Variants in KIAA1217 observed in about 807,000 individuals in gnomAD.
The protein encoded by KIAA1217 is KIAA1217.
Under a neutral mutation model 163.9 loss-of-function variants are expected in KIAA1217, and 88 were observed. The ratio of observed to expected loss-of-function variants is 0.54; its 90% CI spans 0.45 to 0.64. The LOEUF (loss-of-function observed/expected upper bound fraction) is 0.64, where lower values mean the gene tolerates loss of function less well. Among genes scored for constraint, KIAA1217 ranks in the 30% least tolerant of loss-of-function variants. KIAA1217 has a pLI of 0.00. For synonymous variants in KIAA1217, 903 were observed against 923.1 expected, an observed-to-expected ratio of 0.98 and a Z score of 0.39; for missense variants, 2,372 against 2,475.0, an observed-to-expected ratio of 0.96 and a Z score of 0.88.
At chr10:24,392,434 CTT>C (rs2055109841) in intron 3 of KIAA1217, among the ~76,000 whole-genome samples, 1 of 152,178 alleles carries the variant, frequency 6.6e-6, no homozygotes, top group Non-Finnish European at 1.5e-5. Flanking sequence ...AAGGCCATAA[CTT>C]AGAATCTATA....
intron 1 of KIAA1217, among the ~76,000 whole-genome samples, chr10:23,707,543 A>T (rs150589903): frequency 7.1e-4 from 108 of 152,322 alleles, no homozygotes; most frequent in African/African-American, 2.5e-3. Context: ...CAATGGCCAC[A>T]TACAGGGTGG....
At chr10:24,411,110 T>G (rs1407003856) in intron 3 of KIAA1217, among the ~76,000 whole-genome samples, 1 of 152,204 alleles carries the variant, frequency 6.6e-6, no homozygotes, top group Non-Finnish European at 1.5e-5. Context: ...AGGGCTGAAA[T>G]TCCAACTATA....
chr10:24,081,690 A>G (rs1164761807), intron 2 of KIAA1217, among the ~76,000 whole-genome samples: 1 of 152,202 alleles, frequency 6.6e-6, no homozygotes, highest in South Asian at 2.1e-4. Context: ...TATAAAATAC[A>G]TTAACACTAG....
chr10:24,365,502 T>C (rs771575357), intron 2 of KIAA1217, among the ~76,000 whole-genome samples: 4 of 152,208 alleles, frequency 2.6e-5, no homozygotes, highest in Non-Finnish European at 4.4e-5. Context: ...TTATTTGTGG[T>C]CTACTTCAGG....
chr10:23,941,282 T>G (rs905578647), intron 1 of KIAA1217, among the ~76,000 whole-genome samples: 1 of 152,148 alleles, frequency 6.6e-6, no homozygotes, highest in African/African-American at 2.4e-5. Flanking sequence ...CAAACAAATA[T>G]GGAAGGCTTC....
At chr10:23,826,445 C>T (rs1363461396) in intron 1 of KIAA1217, among the ~76,000 whole-genome samples, 1 of 152,096 alleles carries the variant, frequency 6.6e-6, no homozygotes, top group East Asian at 1.9e-4. Flanking sequence ...CATAGCTACT[C>T]GGGAGGCTGA....
intron 1 of KIAA1217, among the ~76,000 whole-genome samples, chr10:23,854,562 G>A (rs1340763513): frequency 1.3e-5 from 2 of 152,014 alleles, no homozygotes; most frequent in South Asian, 2.1e-4. Flanking sequence ...CAATTCCTGG[G>A]TATCCTTGTT....
At chr10:23,994,899 G>A (rs1846397931) in intron 1 of KIAA1217, among the ~76,000 whole-genome samples, 1 of 152,114 alleles carries the variant, frequency 6.6e-6, no homozygotes, top group South Asian at 2.1e-4. Context: ...TTATTTTCTT[G>A]TCTGAAATGG....
intron 5 of KIAA1217, among the ~76,000 whole-genome samples, chr10:24,450,117 G>A (rs2061273539): frequency 6.6e-6 from 1 of 152,142 alleles, no homozygotes; most frequent in Admixed American, 6.5e-5. Flanking sequence ...AATTTTCAGT[G>A]TTTTCATGAA....
chr10:24,304,066 G>A (rs1160950526), intron 2 of KIAA1217, among the ~76,000 whole-genome samples: 1 of 150,782 alleles, frequency 6.6e-6, no homozygotes, highest in African/African-American at 2.4e-5. Flanking sequence ...TGATTTCCAC[G>A]CCTACTTACC....
At chr10:24,129,770 G>C (rs2063587595) in intron 2 of KIAA1217, among the ~76,000 whole-genome samples, 1 of 151,852 alleles carries the variant, frequency 6.6e-6, no homozygotes, top group African/African-American at 2.4e-5. Flanking sequence ...CTTTCCTCCT[G>C]TCCAGTGGAC....
At chr10:23,970,144 C>A (rs982211839) in intron 1 of KIAA1217, among the ~76,000 whole-genome samples, 2 of 152,170 alleles carry the variant, frequency 1.3e-5, no homozygotes, top group African/African-American at 2.4e-5. Flanking sequence ...CAAACCATAT[C>A]ACCAATTAAT....
At chr10:24,016,090 G>C (rs1278585317) in intron 2 of KIAA1217, among the ~76,000 whole-genome samples, 1 of 152,122 alleles carries the variant, frequency 6.6e-6, no homozygotes, top group Non-Finnish European at 1.5e-5. Context: ...GTTGAGGTTG[G>C]TGTTAAGCAC....
chr10:24,533,126 A>G lies in KIAA1217; in HGVS notation c.3303A>G (p.Ala1101=), dbSNP rs754214098. The change falls in exon 16 of 21, where the codon GCA becomes GCG. Residue 1101 remains alanine (A), a synonymous_variant. Coordinates refer to ENST00000376454, the MANE Select transcript of KIAA1217 (RefSeq NM_019590.5). ...AGACCAGAGCTACAAAATATCCAGC[A>G]GAGGAGCCTGCTTCAGCCTGGACCC... ...SPQTRATKYP[A]EEPASAWTPS... is the part of the protein sequence containing the mutation. The G allele has an allele frequency of 1.2e-6, 2 of 1,613,988 alleles. No individual in the cohort carries two copies.
intron 2 of KIAA1217, chr10:24,367,064 C>T (rs556292872): frequency 2.4e-5 from 16 of 666,916 alleles, no homozygotes; most frequent in Admixed American, 1.3e-4. Flanking sequence ...TTTTTCTCTT[C>T]ATGTTTTCAC....
chr10:24,458,546 G>T (rs2062034794), intron 5 of KIAA1217, among the ~76,000 whole-genome samples: 1 of 152,116 alleles, frequency 6.6e-6, no homozygotes, highest in Admixed American at 6.5e-5. Context: ...CCTCCACACT[G>T]ATTTCTTAAC....
chr10:24,101,169 A>G (rs557575295), intron 2 of KIAA1217, among the ~76,000 whole-genome samples: 1 of 152,344 alleles, frequency 6.6e-6, no homozygotes, highest in South Asian at 2.1e-4. Flanking sequence ...TCAAGGTCAA[A>G]ATACAGCCAT....
intron 2 of KIAA1217, among the ~76,000 whole-genome samples, chr10:24,092,398 C>T (rs1414727056): frequency 1.3e-5 from 2 of 151,680 alleles, no homozygotes; most frequent in African/African-American, 4.9e-5. Context: ...CCATATAACC[C>T]AGCAATCCCA....
chr10:23,934,275 A>G (rs543354727), intron 1 of KIAA1217, among the ~76,000 whole-genome samples: 38 of 151,876 alleles, frequency 2.5e-4, no homozygotes, highest in African/African-American at 9.2e-4. Context: ...TCTTCACCAA[A>G]CTAACACAGG....
Sources: gnomAD v4.1 joint callset for allele counts (sites outside exome capture counted in the v4.1 genomes callset) on GRCh38, gnomAD v4.1.1 for gene constraint, MANE v1.5 for transcripts, NCBI Gene and HGNC (gene_info 2026-07-23, HGNC 2026-07-21) for gene names.